Variants in PTPRD observed in about 807,000 individuals in gnomAD.
PTPRD encodes the protein receptor-type tyrosine-protein phosphatase delta.
A neutral mutation model predicts 214.5 loss-of-function variants in PTPRD; 34 were observed. The ratio of observed to expected loss-of-function variants is 0.16; its 90% CI spans 0.12 to 0.21. The LOEUF is 0.21. Ranked by LOEUF, PTPRD falls within the 10% of genes least tolerant of loss-of-function variation. The pLI is 1.00. For synonymous variants in PTPRD, 1,128 were observed against 845.7 expected (o/e 1.33, Z -5.79); for missense variants, 2,545 against 2,398.7 (o/e 1.06, Z -1.27).
intron 9 of PTPRD, among the ~76,000 whole-genome samples, chr9:9,316,601 G>C (rs1301546121): frequency 6.6e-6 from 1 of 152,060 alleles, no homozygotes; most frequent in Non-Finnish European, 1.5e-5. Context: ...CTTTTGTAGG[G>C]GAAGAGTAGG....
chr9:9,596,303 T>A (rs1296655040), intron 7 of PTPRD, among the ~76,000 whole-genome samples: 1 of 151,982 alleles, frequency 6.6e-6, no homozygotes, highest in African/African-American at 2.4e-5. Flanking sequence ...AGAATAGTAA[T>A]TCTTTATGTG....
At chr9:10,248,878 C>CT (rs36110607) in intron 3 of PTPRD, among the ~76,000 whole-genome samples, 2,004 of 150,880 alleles carry the variant, frequency 0.013, 42 homozygotes, top group African/African-American at 0.045. Flanking sequence ...GATATTTTAT[C>CT]TTTTTTTTAG....
At chr9:8,627,327 C>T (rs565919404) in intron 14 of PTPRD, among the ~76,000 whole-genome samples, 1 of 151,750 alleles carries the variant, frequency 6.6e-6, no homozygotes, top group Admixed American at 6.6e-5. Flanking sequence ...CGATGAAAAT[C>T]TTAGCTGTAC....
chr9:9,481,313 T>G (rs1270362910), intron 8 of PTPRD, among the ~76,000 whole-genome samples: 1 of 152,184 alleles, frequency 6.6e-6, no homozygotes, highest in African/African-American at 2.4e-5. Flanking sequence ...ATCATCACTG[T>G]GTTTTCAATC....
intron 9 of PTPRD, among the ~76,000 whole-genome samples, chr9:9,264,440 A>C (rs1352084001): frequency 6.6e-6 from 1 of 151,582 alleles, no homozygotes; most frequent in Non-Finnish European, 1.5e-5. Flanking sequence ...TAGAAGAAAG[A>C]CTCTGTGAAA....
chr9:8,549,377 A>C (rs1163781516), intron 14 of PTPRD, among the ~76,000 whole-genome samples: 1 of 152,156 alleles, frequency 6.6e-6, no homozygotes, highest in Non-Finnish European at 1.5e-5. Flanking sequence ...GAGACAGAGA[A>C]AGGTCAAGAT....
chr9:9,949,516 G>A (rs1025088443), intron 4 of PTPRD, among the ~76,000 whole-genome samples: 14 of 151,962 alleles, frequency 9.2e-5, no homozygotes, highest in African/African-American at 2.7e-4. Context: ...AACAGCCCTC[G>A]TAGGGAGTTA....
At chr9:10,105,730 A>T (rs1181199528) in intron 3 of PTPRD, among the ~76,000 whole-genome samples, 1 of 151,804 alleles carries the variant, frequency 6.6e-6, no homozygotes, top group Non-Finnish European at 1.5e-5. Context: ...TATTGTATAT[A>T]AGAAGCTTCT....
At chr9:9,369,096 C>T (rs199798623) in intron 9 of PTPRD, among the ~76,000 whole-genome samples, 2 of 151,926 alleles carry the variant, frequency 1.3e-5, no homozygotes, top group African/African-American at 2.4e-5. Context: ...TGAACTCATC[C>T]TTTTTTATGG....
chr9:9,120,547 T>A (rs948010777), intron 10 of PTPRD, among the ~76,000 whole-genome samples: 5 of 152,180 alleles, frequency 3.3e-5, no homozygotes, highest in Non-Finnish European at 2.9e-5. Flanking sequence ...CCTCTTTAGA[T>A]TTAGTCAAAC....
At chr9:8,802,502 C>A (rs573698020) in intron 11 of PTPRD, among the ~76,000 whole-genome samples, 36 of 152,264 alleles carry the variant, frequency 2.4e-4, no homozygotes, top group African/African-American at 8.4e-4. Context: ...AGGAGATGCA[C>A]AAATAAACTG....
intron 2 of PTPRD, among the ~76,000 whole-genome samples, chr9:10,520,545 C>A (rs1247189209): frequency 1.3e-5 from 2 of 152,184 alleles, no homozygotes; most frequent in Non-Finnish European, 2.9e-5. Flanking sequence ...GAATTGGCTA[C>A]ACTCACCAAT....
chr9:9,315,054 A>G (rs1362344042), intron 9 of PTPRD, among the ~76,000 whole-genome samples: 4 of 151,970 alleles, frequency 2.6e-5, no homozygotes, highest in Non-Finnish European at 5.9e-5. Context: ...TTACATCAAC[A>G]TTTTAACTAA....
At chr9:9,385,386 T>C (rs906481831) in intron 9 of PTPRD, among the ~76,000 whole-genome samples, 2 of 152,126 alleles carry the variant, frequency 1.3e-5, no homozygotes, top group African/African-American at 4.8e-5. Flanking sequence ...GAAAGTGAGA[T>C]AAATGAGAGG....
chr9:8,724,127 G>C (rs2098532127), intron 12 of PTPRD, among the ~76,000 whole-genome samples: 2 of 152,074 alleles, frequency 1.3e-5, no homozygotes, highest in African/African-American at 4.8e-5. Context: ...GATAAGTTTA[G>C]ATAAAACTAT....
chr9:9,628,837 A>G (rs1230346751), intron 7 of PTPRD, among the ~76,000 whole-genome samples: 1 of 151,852 alleles, frequency 6.6e-6, no homozygotes, highest in Non-Finnish European at 1.5e-5. Context: ...TACATCAAAT[A>G]TATCATAATA....
intron 7 of PTPRD, among the ~76,000 whole-genome samples, chr9:9,686,038 G>C (rs2154400523): frequency 6.6e-6 from 1 of 151,454 alleles, no homozygotes; most frequent in East Asian, 1.9e-4. Context: ...GTTTTCAGGA[G>C]AGCATAAGAA....
intron 2 of PTPRD, among the ~76,000 whole-genome samples, chr9:10,408,751 A>C (rs2098403405): frequency 6.6e-6 from 1 of 151,704 alleles, no homozygotes; most frequent in Admixed American, 6.6e-5. Context: ...TCACTTGGGC[A>C]GTGTGTTTAG....
chr9:10,352,639 T>TGC (rs2097202401), intron 2 of PTPRD, among the ~76,000 whole-genome samples: 1 of 151,890 alleles, frequency 6.6e-6, no homozygotes, highest in African/African-American at 2.4e-5. Context: ...TAATTGAATG[T>TGC]ATTGCTTGTT....
Sources: allele counts gnomAD v4.1 joint callset (sites outside exome capture counted in the v4.1 genomes callset), GRCh38; gene constraint gnomAD v4.1.1; transcripts MANE v1.5; gene names NCBI Gene and HGNC (gene_info 2026-07-23, HGNC 2026-07-21).